Variants in WWC1 observed in about 807,000 individuals in gnomAD.
WWC1 encodes the protein WW and C2 domain containing 1, also known as protein KIBRA.
Under a neutral mutation model 138.4 loss-of-function variants are expected in WWC1, and 55 were observed. That is an observed-to-expected ratio of 0.40 (90% CI 0.32 to 0.50). WWC1 has a LOEUF of 0.50. Among genes scored for constraint, WWC1 ranks in the 20% least tolerant of loss-of-function variants. The pLI is 0.72. For missense variants in WWC1, 1,226 were observed against 1,420.4 expected (o/e 0.86, Z 2.20); for synonymous variants, 524 against 564.9 (o/e 0.93, Z 1.03).
chr5:168,393,046 A>G (rs1194449523), intron 3 of WWC1, among the ~76,000 whole-genome samples: 3 of 152,178 alleles, frequency 2.0e-5, no homozygotes, highest in Non-Finnish European at 4.4e-5. Flanking sequence ...ACTCCAAAGG[A>G]AGACTGGAAA....
rs552750663 is a variant in WWC1, at chr5:168,349,265, G to A, written c.120-22159G>A. Among the ~76,000 whole-genome samples the A allele has an allele frequency of 4.6e-5, 7 of 152,272 alleles. No individual in the cohort carries two copies. The South Asian group carries it at 1.5e-3, about 32-fold the overall frequency. On this transcript the variant is annotated intron_variant, in intron 1 of 22. Coordinates refer to ENST00000265293, the MANE Select transcript of WWC1 (RefSeq NM_015238.3). The stretch of plus-strand genomic sequence containing the variant: ...GCAGGTGTAGGCCTCTTGGGCACGT[G>A]GGTTTCTGACACCCCCACCCAGTTC...
At chr5:168,299,307 TCAG>T (rs2152739278) in intron 1 of WWC1, among the ~76,000 whole-genome samples, 1 of 152,298 alleles carries the variant, frequency 6.6e-6, no homozygotes, top group East Asian at 1.9e-4. Context: ...GATGTGGATC[TCAG>T]GGAGAGACTT....
intron 17 of WWC1, among the ~76,000 whole-genome samples, chr5:168,446,017 C>A (rs1198918456): frequency 6.6e-6 from 1 of 152,018 alleles, no homozygotes; most frequent in Non-Finnish European, 1.5e-5. Flanking sequence ...ACTTAGCCTG[C>A]CTAACTGCAA....
At chr5:168,298,258 C>G (rs567429147) in intron 1 of WWC1, among the ~76,000 whole-genome samples, 1 of 152,028 alleles carries the variant, frequency 6.6e-6, no homozygotes, top group African/African-American at 2.4e-5. Context: ...AGGCTGGTCT[C>G]GAACTCCTGA....
intron 9 of WWC1, chr5:168,416,320 G>A (rs1408626035): frequency 6.6e-6 from 1 of 152,232 alleles, no homozygotes; most frequent in African/African-American, 2.4e-5. Flanking sequence ...GGTGGGAGAA[G>A]GAGAAGGACA....
intron 8 of WWC1, chr5:168,412,090 T>C (rs560642719): frequency 1.0e-6 from 1 of 985,498 alleles, no homozygotes; most frequent in East Asian, 1.1e-4. Context: ...ACTCTGAACC[T>C]TGGATCTGTT....
intron 11 of WWC1, among the ~76,000 whole-genome samples, chr5:168,426,743 C>T (rs1388851460): frequency 3.9e-5 from 6 of 152,344 alleles, no homozygotes; most frequent in South Asian, 2.1e-4. Flanking sequence ...TCGCCGTCCC[C>T]GGCCTGCCAT....
chr5:168,380,527 A>C (rs1412738695), intron 2 of WWC1, among the ~76,000 whole-genome samples: 1 of 152,140 alleles, frequency 6.6e-6, no homozygotes, highest in African/African-American at 2.4e-5. Flanking sequence ...AACAATACCA[A>C]CTGCTAGCAA....
intron 1 of WWC1, among the ~76,000 whole-genome samples, chr5:168,310,761 C>T (rs1339224004): frequency 6.7e-6 from 1 of 150,328 alleles, no homozygotes; most frequent in African/African-American, 2.4e-5. Flanking sequence ...TCACTTGGAC[C>T]CAGGGGGTCG....
intron 1 of WWC1, among the ~76,000 whole-genome samples, chr5:168,320,491 C>A (rs1209695039): frequency 6.6e-6 from 1 of 152,162 alleles, no homozygotes; most frequent in Non-Finnish European, 1.5e-5. Flanking sequence ...AGTTACAAGA[C>A]CTCTCTGTGC....
intron 4 of WWC1, 79 bp downstream of exon 4, chr5:168,397,879 A>T: frequency 6.7e-7 from 1 of 1,482,864 alleles, no homozygotes; most frequent in South Asian, 1.1e-5. Flanking sequence ...CCACAAGACC[A>T]GAACAGATGC....
At chr5:168,421,136 A>G (rs1781060102) in intron 9 of WWC1, among the ~76,000 whole-genome samples, 1 of 152,176 alleles carries the variant, frequency 6.6e-6, no homozygotes, top group South Asian at 2.1e-4. Context: ...GTCATTCAGG[A>G]ACTCAGGCTC....
At chr5:168,298,831 T>G (rs1431318534) in intron 1 of WWC1, among the ~76,000 whole-genome samples, 1 of 152,088 alleles carries the variant, frequency 6.6e-6, no homozygotes, top group Non-Finnish European at 1.5e-5. Context: ...CTCCTGTAAT[T>G]TCAGCACTTT....
At chr5:168,354,983 A>G (rs927200047) in intron 1 of WWC1, among the ~76,000 whole-genome samples, 1 of 152,196 alleles carries the variant, frequency 6.6e-6, no homozygotes, top group African/African-American at 2.4e-5. Context: ...GGAGATGGCC[A>G]CAAGCCTTCT....
At chr5:168,397,926 C>T (rs943015164) in intron 4 of WWC1, 126 bp downstream of exon 4, 1 of 960,204 alleles carries the variant, frequency 1.0e-6, no homozygotes, top group African/African-American at 1.6e-5. Context: ...TAGCAAGGTC[C>T]TAAATAATAA....
intron 17 of WWC1, among the ~76,000 whole-genome samples, chr5:168,446,620 T>TG (rs768870136): frequency 2.6e-5 from 4 of 152,238 alleles, no homozygotes; most frequent in Non-Finnish European, 4.4e-5. Context: ...AAGCAGAATG[T>TG]GACGAGCACC....
intron 17 of WWC1, 110 bp from the exon 18 acceptor site, chr5:168,453,858 T>C: frequency 6.5e-7 from 1 of 1,530,248 alleles, no homozygotes. Context: ...TTTTAAAATA[T>C]ATCTTCAATC....
At chr5:168,356,928 C>T (rs1313461878) in intron 1 of WWC1, among the ~76,000 whole-genome samples, 1 of 152,092 alleles carries the variant, frequency 6.6e-6, no homozygotes, top group Admixed American at 6.5e-5. Flanking sequence ...TACCTAGGGC[C>T]CTGGGAGCCC....
At chr5:168,371,050 A>G (rs1364963002) in intron 1 of WWC1, among the ~76,000 whole-genome samples, 2 of 152,228 alleles carry the variant, frequency 1.3e-5, no homozygotes, top group Admixed American at 1.3e-4. Context: ...TGAAGAAGCC[A>G]AGGAGGGCTG....
Sources: allele counts gnomAD v4.1 joint callset (sites outside exome capture counted in the v4.1 genomes callset), GRCh38; gene constraint gnomAD v4.1.1; transcripts MANE v1.5; gene names NCBI Gene and HGNC (gene_info 2026-07-23, HGNC 2026-07-21).